ABCD3: variants seen among roughly 807,000 people sequenced by gnomAD.
ABCD3 encodes ATP binding cassette subfamily D member 3.
ABCD3 carries 41 observed loss-of-function variants against 105.5 expected under a neutral mutation model. The observed-to-expected ratio is 0.39, with a 90% CI of 0.30 to 0.50. The LOEUF is 0.50. Among genes scored for constraint, ABCD3 ranks in the 20% least tolerant of loss-of-function variants. ABCD3 has a pLI of 0.84. For missense variants in ABCD3, 622 were observed against 806.3 expected, an observed-to-expected ratio of 0.77 and a Z score of 2.77; for synonymous variants, 258 against 269.0, an observed-to-expected ratio of 0.96 and a Z score of 0.40.
rs1648980613 is a variant in ABCD3 at position 94,480,479 on chromosome 1, A to G, written c.700A>G (p.Met234Val). 1.9e-6 allele frequency: 3 copies of G among 1,613,734 alleles called. No homozygotes were observed. The highest frequency in any genetic ancestry group is 1.3e-5 in the African/African-American group (1 of 74,892). ...AIGAQGPASM[M>V]AYLVVSGLFL... ...ATAATAATAGGGCCCAGCGAGCATG[A>G]TGGCCTACTTGGTTGTTTCTGGGCT... Residue 234 changes from methionine (M) to valine (V), a missense_variant, in exon 9 of 23, where the codon ATG becomes GTG. Around this residue, in one of 4 missense-constraint regions of ABCD3, gnomAD observed 245 missense variants for 356.4 expected, o/e 0.69. Coordinates refer to ENST00000370214, the MANE Select transcript of ABCD3 (RefSeq NM_002858.4).
At chr1:94,415,944 C>G (rs1010127223), upstream of ABCD3, among the ~76,000 whole-genome samples, 3 of 152,094 alleles carry the variant, frequency 2.0e-5, no homozygotes, top group Non-Finnish European at 4.4e-5. Flanking sequence ...AGATTTGGTC[C>G]TGGTGATTTT....
intron 1 of ABCD3, among the ~76,000 whole-genome samples, chr1:94,438,508 A>G (rs1462587760): frequency 5.3e-5 from 8 of 152,226 alleles, no homozygotes. Flanking sequence ...GAGAGGATTG[A>G]TTGACTCCAA....
chr1:94,477,227 C>CAAAAAA (rs561060182), intron 7 of ABCD3, among the ~76,000 whole-genome samples: 80 of 44,306 alleles, frequency 1.8e-3, no homozygotes, highest in African/African-American at 2.5e-3. Context: ...ACTTATAAGG[C>CAAAAAA]AAAAAAAAAA....
the ABCD3 span, among the ~76,000 whole-genome samples, chr1:94,413,349 T>C: frequency 8.3e-4 from 127 of 152,346 alleles, 1 homozygote; most frequent in Non-Finnish European, 9.3e-4. Context: ...TCCCTCATGA[T>C]AGTTACTGCA....
At chr1:94,501,803 G>A (rs1037899044) in intron 20 of ABCD3, among the ~76,000 whole-genome samples, 23 of 151,852 alleles carry the variant, frequency 1.5e-4, no homozygotes, top group African/African-American at 5.6e-4. Flanking sequence ...AGTATAAATT[G>A]GGCCAAACCC....
intron 4 of ABCD3, 52 bp from the exon 5 acceptor site, chr1:94,473,714 T>A: frequency 7.8e-7 from 1 of 1,282,652 alleles, no homozygotes; most frequent in Non-Finnish European, 1.1e-6. Context: ...GTTTTCCTAG[T>A]GTTAGATTTT....
At chr1:94,493,389 T>G (rs1371866994) in intron 16 of ABCD3, among the ~76,000 whole-genome samples, 1 of 151,988 alleles carries the variant, frequency 6.6e-6, no homozygotes, top group Non-Finnish European at 1.5e-5. Flanking sequence ...AAAACCACAG[T>G]GAGATAACAT....
At chr1:94,458,972 T>G (rs1473197030) in intron 2 of ABCD3, among the ~76,000 whole-genome samples, 1 of 85,546 alleles carries the variant, frequency 1.2e-5, no homozygotes, top group East Asian at 3.8e-4. Context: ...CCTCCCCTCC[T>G]CCACCTCCCC....
chr1:94,445,179 G>C (rs1406383834), intron 1 of ABCD3, among the ~76,000 whole-genome samples: 1 of 152,176 alleles, frequency 6.6e-6, no homozygotes, highest in Non-Finnish European at 1.5e-5. Flanking sequence ...GGGGCTCTCA[G>C]CTCTGAAGGC....
the ABCD3 span, among the ~76,000 whole-genome samples, chr1:94,413,381 G>T: frequency 2.6e-5 from 4 of 152,140 alleles, no homozygotes; most frequent in African/African-American, 4.8e-5. Flanking sequence ...TAAACACTAC[G>T]GGAGCTCTGG....
chr1:94,449,235 C>T (rs899036272), intron 1 of ABCD3, among the ~76,000 whole-genome samples: 12 of 152,164 alleles, frequency 7.9e-5, no homozygotes, highest in South Asian at 4.1e-4. Context: ...GCAGCCATGT[C>T]GAGATTGACA....
At position 94,518,510 on chromosome 1, in the gene ABCD3, A is replaced by C. The variant is rs1034365290; in HGVS notation, c.*1381A>C. 5.9e-5 allele frequency: 9 copies of C among 152,134 alleles called. No individual in the cohort carries two copies. Among genetic ancestry groups the C allele is most frequent in the African/African-American group, 1.9e-4 (8 of 41,354 alleles). The allele number at this position is 152,134 out of a possible 1,614,324, so 9.4% of individuals were successfully genotyped here. On this transcript the variant is annotated 3_prime_UTR_variant, in exon 23 of 23. Transcript: ENST00000370214. ...TCTGTTCAGATTAAAAAAAAAAAAAAAAAACTCAGATATCCTATACAACCT... is the reference window on the plus strand; with the variant it reads ...TCTGTTCAGATTAAAAAAAAAAAAACAAAACTCAGATATCCTATACAACCT...
At chr1:94,469,646 G>C (rs1425790999) in intron 4 of ABCD3, among the ~76,000 whole-genome samples, 1 of 122,598 alleles carries the variant, frequency 8.2e-6, no homozygotes, top group Non-Finnish European at 1.7e-5. Context: ...ACGTTTTGTA[G>C]TTTCCAGTGT....
At chr1:94,479,239 A>G (rs1648916343) in intron 8 of ABCD3, among the ~76,000 whole-genome samples, 1 of 152,148 alleles carries the variant, frequency 6.6e-6, no homozygotes, top group African/African-American at 2.4e-5. Flanking sequence ...AACCAAGTGA[A>G]TAGGCCAAAT....
chr1:94,503,104 G>A (rs1650179590), intron 20 of ABCD3, among the ~76,000 whole-genome samples: 2 of 152,066 alleles, frequency 1.3e-5, no homozygotes, highest in African/African-American at 4.8e-5. Context: ...TGTATTTTAT[G>A]TGTGGCCCAA....
At chr1:94,506,137 C>T (rs936056103) in intron 20 of ABCD3, among the ~76,000 whole-genome samples, 2 of 152,160 alleles carry the variant, frequency 1.3e-5, no homozygotes, top group Non-Finnish European at 2.9e-5. Flanking sequence ...GGTACCATTA[C>T]TTAAGCAACA....
chr1:94,437,886 T>C (rs780171599), intron 1 of ABCD3, among the ~76,000 whole-genome samples: 3 of 152,178 alleles, frequency 2.0e-5, no homozygotes, highest in Non-Finnish European at 2.9e-5. Context: ...TGGATGACTT[T>C]GAGGGGTTCA....
intron 1 of ABCD3, among the ~76,000 whole-genome samples, chr1:94,420,107 A>G (rs1315166786): frequency 1.3e-5 from 2 of 152,186 alleles, no homozygotes; most frequent in Non-Finnish European, 2.9e-5. Flanking sequence ...TACTTTTATG[A>G]TTATATGTAT....
chr1:94,456,991 G>A (rs556954140), intron 1 of ABCD3, among the ~76,000 whole-genome samples: 1 of 152,220 alleles, frequency 6.6e-6, no homozygotes. Context: ...GCATTTTTCT[G>A]ATGATTAGTG....
Sources: gnomAD v4.1 joint callset for allele counts (sites outside exome capture counted in the v4.1 genomes callset) on GRCh38, gnomAD v4.1.1 for gene constraint, gnomAD v4.1.1 regional missense constraint, MANE v1.5 for transcripts, NCBI Gene and HGNC (gene_info 2026-07-23, HGNC 2026-07-21) for gene names.